The following DLG2 variants were observed in gnomAD, a reference collection of about 807,000 sequenced individuals.
DLG2 encodes the protein disks large homolog 2.
DLG2 carries 45 observed loss-of-function variants against 132.5 expected under a neutral mutation model. That is an observed-to-expected ratio of 0.34 (90% CI 0.27 to 0.44). DLG2 has a LOEUF of 0.44. DLG2 is among the 20% of genes least tolerant of loss of function. DLG2 has a pLI of 1.00. For missense variants in DLG2, 1,045 were observed against 1,196.9 expected (o/e 0.87, Z 1.87); for synonymous variants, 424 against 419.6 (o/e 1.01, Z -0.13).
chr11:83,675,094 A>C (rs1330660654), intron 18 of DLG2, among the ~76,000 whole-genome samples: 2 of 152,234 alleles, frequency 1.3e-5, no homozygotes, highest in Non-Finnish European at 2.9e-5. Flanking sequence ...TAGTTAATTA[A>C]ATTTGGAGTC....
chr11:85,288,251 T>A (rs2078681140), intron 3 of DLG2, among the ~76,000 whole-genome samples: 1 of 152,066 alleles, frequency 6.6e-6, no homozygotes, highest in Admixed American at 6.6e-5. Flanking sequence ...AAGTTAGCAA[T>A]CCTTAAATTT....
At chr11:84,033,210 G>T (rs1414480791) in intron 11 of DLG2, among the ~76,000 whole-genome samples, 5 of 152,166 alleles carry the variant, frequency 3.3e-5, no homozygotes, top group Admixed American at 3.3e-4. Flanking sequence ...TGATGCATCT[G>T]AGTAAAGTAA....
intron 6 of DLG2, among the ~76,000 whole-genome samples, chr11:84,747,737 T>C (rs1038143522): frequency 2.0e-5 from 3 of 152,218 alleles, no homozygotes; most frequent in African/African-American, 7.2e-5. Context: ...AAAAATATTT[T>C]ATGGTACATA....
At chr11:83,822,845 C>G (rs988171429) in intron 17 of DLG2, among the ~76,000 whole-genome samples, 1 of 152,084 alleles carries the variant, frequency 6.6e-6, no homozygotes, top group Non-Finnish European at 1.5e-5. Flanking sequence ...GGTAAATTCA[C>G]CAATCAAGCT....
At chr11:84,705,911 C>T (rs552087662) in intron 6 of DLG2, among the ~76,000 whole-genome samples, 1 of 151,838 alleles carries the variant, frequency 6.6e-6, no homozygotes, top group East Asian at 1.9e-4. Flanking sequence ...ATAAATTGAA[C>T]TTATGTTGTA....
chr11:85,530,306 T>A (rs1333466964), intron 3 of DLG2, among the ~76,000 whole-genome samples: 2 of 148,326 alleles, frequency 1.3e-5, no homozygotes, highest in Non-Finnish European at 3.0e-5. Flanking sequence ...TTTTTTTATT[T>A]TTATTTTATT....
intron 6 of DLG2, among the ~76,000 whole-genome samples, chr11:84,914,691 G>A (rs1487228523): frequency 4.6e-5 from 7 of 152,208 alleles, no homozygotes; most frequent in African/African-American, 7.2e-5. Context: ...CAGTCCTTTC[G>A]AGGCACTGGC....
chr11:84,106,850 AGT>A (rs1555348338), intron 9 of DLG2, among the ~76,000 whole-genome samples: 3 of 121,286 alleles, frequency 2.5e-5, no homozygotes, highest in Non-Finnish European at 3.5e-5. Flanking sequence ...TGTTTGAGTG[AGT>A]GTGTGTGTGT....
At position 83,459,957 on chromosome 11, in the gene DLG2, A is replaced by G. The variant is rs373693936; in HGVS notation, c.2822-33T>C. ...AAAAGCAAACACACCCAGAATTAGA[A>G]ATAATTTCCTGGATGGTGAAGAACA... On this transcript the variant is annotated intron_variant, in intron 27 of 27. Coordinates refer to ENST00000376104, the MANE Select transcript of DLG2 (RefSeq NM_001142699.3). 2.5e-3 allele frequency: 3,141 copies of G among 1,239,198 alleles called. 6 individuals carry two copies. Among genetic ancestry groups the G allele is most frequent in the Middle Eastern group, 4.7e-3 (25 of 5,300 alleles). The allele number at this position is 1,239,198 out of a possible 1,614,324, so 76.8% of individuals were successfully genotyped here. A position where few individuals can be genotyped will look rare whatever the true frequency, so the allele number is the denominator to read the frequency against.
chr11:85,065,121 G>A (rs978062625), intron 6 of DLG2, among the ~76,000 whole-genome samples: 3 of 151,398 alleles, frequency 2.0e-5, no homozygotes, highest in Non-Finnish European at 4.4e-5. Flanking sequence ...AATAAAAAAT[G>A]GTGAAGAAAC....
At chr11:84,963,879 C>CA (rs2052950569) in intron 6 of DLG2, among the ~76,000 whole-genome samples, 2 of 152,122 alleles carry the variant, frequency 1.3e-5, no homozygotes, top group South Asian at 4.1e-4. Flanking sequence ...TGACTTTACA[C>CA]AGGGGAAACG....
intron 3 of DLG2, among the ~76,000 whole-genome samples, chr11:85,487,887 T>C (rs1444552202): frequency 1.3e-5 from 2 of 152,214 alleles, no homozygotes; most frequent in African/African-American, 4.8e-5. Context: ...ATGGTTTGGC[T>C]CTGTGTCCCC....
At position 85,030,465 on chromosome 11, in the gene DLG2, G is replaced by A. The variant is rs189312381; in HGVS notation, c.357+81196C>T. 3.9e-5 allele frequency among the ~76,000 whole-genome samples: 6 copies of A among 152,146 alleles called. No homozygotes were observed. The East Asian group carries it at 1.2e-3, about 29-fold the overall frequency. On this transcript the variant is annotated intron_variant, in intron 6 of 27. Coordinates refer to ENST00000376104, the MANE Select transcript of DLG2 (RefSeq NM_001142699.3). ...TATACTGCTTATGCTATTATGTCTTGCATTATTAGAATCTTCAAAACAGTA... is the reference window on the plus strand; with the variant it reads ...TATACTGCTTATGCTATTATGTCTTACATTATTAGAATCTTCAAAACAGTA...
At chr11:85,271,752 T>A (rs953460051) in intron 4 of DLG2, among the ~76,000 whole-genome samples, 4 of 152,270 alleles carry the variant, frequency 2.6e-5, no homozygotes, top group African/African-American at 9.6e-5. Flanking sequence ...TCAGCCCCTT[T>A]CTTTGGGCCA....
chr11:84,737,502 C>G (rs12283672), intron 6 of DLG2, among the ~76,000 whole-genome samples: 2,314 of 147,086 alleles, frequency 0.016, 41 homozygotes, highest in African/African-American at 0.034. Flanking sequence ...AAGAAAGAGA[C>G]AGAGAGAGAG....
chr11:84,128,168 A>T (rs1364354010), intron 9 of DLG2, among the ~76,000 whole-genome samples: 1 of 152,176 alleles, frequency 6.6e-6, no homozygotes, highest in Non-Finnish European at 1.5e-5. Context: ...TAATAGGGGT[A>T]GAGAGTTGGA....
At position 84,047,105 on chromosome 11, in the gene DLG2, C is replaced by T. The variant is rs574671745; in HGVS notation, c.919+12210G>A. 7.6e-4 allele frequency among the ~76,000 whole-genome samples: 116 copies of T among 151,716 alleles called. 1 individual carries two copies. The highest frequency in any genetic ancestry group is 2.7e-3 in the African/African-American group (113 of 41,492). ...AATTTAGCATGAAGTCAGTATCAGTCAGCAGAGGAGGACTGCATTATTTCA... is the reference window on the plus strand; with the variant it reads ...AATTTAGCATGAAGTCAGTATCAGTTAGCAGAGGAGGACTGCATTATTTCA... On this transcript the variant is annotated intron_variant, in intron 11 of 27. Transcript: ENST00000376104.
In DLG2 at chr11:83,458,810, A is replaced by C. The variant is rs1241133465; in HGVS notation, c.*1008T>G. 1 of 152,204 alleles carries C rather than the reference A, an allele frequency of 6.6e-6. No individual in the cohort carries two copies. Among genetic ancestry groups the C allele is most frequent in the Admixed American group, 6.5e-5 (1 of 15,284 alleles). 9.4% of individuals were successfully genotyped at this position (152,204 alleles called of 1,614,324 possible). On this transcript the variant is annotated 3_prime_UTR_variant, in exon 28 of 28. Transcript: ENST00000376104. ...ATCAGCATAAAAAAATGCATTAACC[A>C]AATGTCTTCCAAAAATATCCATGAG...
chr11:85,535,679 C>T (rs944147956), intron 3 of DLG2, among the ~76,000 whole-genome samples: 17 of 152,130 alleles, frequency 1.1e-4, no homozygotes, highest in Admixed American at 3.3e-4. Flanking sequence ...AAAATCTGTA[C>T]ACAAATGTTC....
Sources: gnomAD v4.1 joint callset for allele counts (sites outside exome capture counted in the v4.1 genomes callset) on GRCh38, gnomAD v4.1.1 for gene constraint, MANE v1.5 for transcripts, NCBI Gene and HGNC (gene_info 2026-07-23, HGNC 2026-07-21) for gene names.